PARP8: variants seen among roughly 807,000 people sequenced by gnomAD.
The protein encoded by PARP8 is protein mono-ADP-ribosyltransferase PARP8.
Under a neutral mutation model 124.1 loss-of-function variants are expected in PARP8, and 51 were observed. The observed-to-expected ratio is 0.41, with a 90% confidence interval of 0.33 to 0.52. The LOEUF (loss-of-function observed/expected upper bound fraction) is 0.52. Among genes scored for constraint, PARP8 ranks in the 20% least tolerant of loss-of-function variants. The pLI is 0.21. For missense variants in PARP8, 860 were observed against 1,018.9 expected (o/e 0.84, Z 2.12); for synonymous variants, 391 against 361.5 (o/e 1.08, Z -0.93).
intron 3 of PARP8, among the ~76,000 whole-genome samples, chr5:50,758,590 A>G (rs1311583589): frequency 1.3e-5 from 2 of 152,192 alleles, no homozygotes; most frequent in African/African-American, 4.8e-5. Flanking sequence ...GCGCCATAAG[A>G]ACAACTAATT....
chr5:50,830,437 A>G (rs1366652238), intron 22 of PARP8, among the ~76,000 whole-genome samples: 1 of 152,186 alleles, frequency 6.6e-6, no homozygotes, highest in Non-Finnish European at 1.5e-5. Flanking sequence ...AGATTGTGGG[A>G]AAAAATACTT....
At chr5:50,681,288 G>T (rs1418081572) in intron 2 of PARP8, among the ~76,000 whole-genome samples, 1 of 152,112 alleles carries the variant, frequency 6.6e-6, no homozygotes, top group Non-Finnish European at 1.5e-5. Context: ...AGTATCTGAA[G>T]ATTTTTTTGG....
Position 50,794,860 on chromosome 5 carries a change from A to T in PARP8, c.871A>T (p.Ser291Cys). The stretch of plus-strand genomic sequence containing the variant: ...TGTTGTTCAATTTTGAAGGTCGCCA[A>T]GTTATCCTCCCCCTGGTTGTGGCAA... ...HLFSTLRRSP[S>C]YPPPGCGKSK... is the part of the protein sequence containing the mutation. The change falls in exon 12 of 26, where the codon AGT (serine) becomes TGT (cysteine). Residue 291 changes from serine (S) to cysteine (C), a missense_variant. Ser to Cys is a moderately radical substitution (Grantham distance 112, BLOSUM62 -1). Transcript: ENST00000281631. 6.2e-7 allele frequency: 1 copy of T among 1,612,260 alleles called. No homozygotes were observed.
At chr5:50,819,208 T>C (rs1745461709) in intron 15 of PARP8, among the ~76,000 whole-genome samples, 1 of 152,152 alleles carries the variant, frequency 6.6e-6, no homozygotes, top group South Asian at 2.1e-4. Context: ...GGCTAGGACA[T>C]ATATTAACAG....
At chr5:50,810,920 A>G (rs1441242702) in intron 14 of PARP8, among the ~76,000 whole-genome samples, 1 of 152,080 alleles carries the variant, frequency 6.6e-6, no homozygotes, top group Non-Finnish European at 1.5e-5. Context: ...TGCTGTGTTA[A>G]AAAGGAAAGA....
intron 2 of PARP8, among the ~76,000 whole-genome samples, chr5:50,680,753 T>C (rs1381025557): frequency 1.3e-5 from 2 of 152,104 alleles, no homozygotes; most frequent in African/African-American, 4.8e-5. Flanking sequence ...CTGGAAGCCA[T>C]GTGGTAAGAA....
chr5:50,693,859 A>G (rs1460064045), intron 2 of PARP8, among the ~76,000 whole-genome samples: 9 of 151,520 alleles, frequency 5.9e-5, no homozygotes, highest in Non-Finnish European at 1.3e-4. Flanking sequence ...TATAATTATA[A>G]GCACCCAAAG....
chr5:50,704,139 A>T (rs992638630), intron 2 of PARP8, among the ~76,000 whole-genome samples: 3 of 152,124 alleles, frequency 2.0e-5, no homozygotes, highest in Admixed American at 1.3e-4. Context: ...AGAGGTTGCC[A>T]AATCTGCCTT....
chr5:50,832,105 C>T (rs905203707), intron 22 of PARP8, among the ~76,000 whole-genome samples: 1 of 152,076 alleles, frequency 6.6e-6, no homozygotes, highest in Non-Finnish European at 1.5e-5. Context: ...AGGCTTTTCC[C>T]CTTCTCATTA....
intron 9 of PARP8, among the ~76,000 whole-genome samples, chr5:50,780,597 T>G (rs766138459): frequency 6.6e-6 from 1 of 152,178 alleles, no homozygotes; most frequent in Non-Finnish European, 1.5e-5. Context: ...TAACTCATGG[T>G]TAGATTATTT....
intron 2 of PARP8, among the ~76,000 whole-genome samples, chr5:50,739,895 C>T (rs1757870488): frequency 6.6e-6 from 1 of 151,112 alleles, no homozygotes; most frequent in South Asian, 2.1e-4. Context: ...ATTACAGGCA[C>T]CCACCACCAC....
intron 3 of PARP8, among the ~76,000 whole-genome samples, chr5:50,751,718 A>G (rs1378517879): frequency 6.6e-6 from 1 of 152,172 alleles, no homozygotes; most frequent in Non-Finnish European, 1.5e-5. Flanking sequence ...GTAAGTATTA[A>G]ATAACATTTT....
chr5:50,776,923 A>G (rs1408274687), intron 7 of PARP8, among the ~76,000 whole-genome samples: 3 of 152,128 alleles, frequency 2.0e-5, no homozygotes, highest in Admixed American at 2.0e-4. Context: ...TGACTTCCCC[A>G]CTAACTTATT....
intron 2 of PARP8, among the ~76,000 whole-genome samples, chr5:50,736,399 A>G (rs1430965455): frequency 6.6e-6 from 1 of 152,162 alleles, no homozygotes; most frequent in Admixed American, 6.5e-5. Flanking sequence ...ACCAATGCCT[A>G]TTTGGAACAT....
chr5:50,732,627 CT>C (rs909163733), intron 2 of PARP8, among the ~76,000 whole-genome samples: 2 of 150,256 alleles, frequency 1.3e-5, no homozygotes, highest in Non-Finnish European at 3.0e-5. Context: ...TCTTTTTTTC[CT>C]TTTTTTTTGA....
At chr5:50,769,796 A>G (rs1022142070) in intron 7 of PARP8, among the ~76,000 whole-genome samples, 5 of 152,046 alleles carry the variant, frequency 3.3e-5, no homozygotes, top group Non-Finnish European at 7.4e-5. Flanking sequence ...AGAGACTGGA[A>G]TGAGATAAGC....
In PARP8 at chr5:50,696,068, G is replaced by T. The variant is rs190920080; in HGVS notation, c.146+27943G>T. Among the ~76,000 whole-genome samples the T allele has an allele frequency of 2.1e-3, 324 of 152,220 alleles. 2 individuals carry two copies. Among genetic ancestry groups the T allele is most frequent in the Middle Eastern group, 0.014 (4 of 294 alleles). ...TAATGCTTATAAAGGAGAGAGTAAA[G>T]ATTTTGCTTTTAATGAAGAAAAGAG... On this transcript the variant is annotated intron_variant, in intron 2 of 25. Coordinates refer to ENST00000281631, the MANE Select transcript of PARP8 (RefSeq NM_024615.4).
chr5:50,747,789 T>G (rs1357855592), intron 2 of PARP8, among the ~76,000 whole-genome samples: 1 of 135,130 alleles, frequency 7.4e-6, no homozygotes, highest in African/African-American at 2.9e-5. Flanking sequence ...TTTTTTTTTT[T>G]TGAGACGGAG....
intron 3 of PARP8, among the ~76,000 whole-genome samples, chr5:50,758,694 A>AT (rs112162189): frequency 2.6e-5 from 4 of 152,318 alleles, no homozygotes; most frequent in African/African-American, 9.6e-5. Context: ...TAGGACCATT[A>AT]TTAATGAATT....
Sources: gnomAD v4.1 joint callset for allele counts (sites outside exome capture counted in the v4.1 genomes callset) on GRCh38, gnomAD v4.1.1 for gene constraint, MANE v1.5 for transcripts, NCBI Gene and HGNC (gene_info 2026-07-23, HGNC 2026-07-21) for gene names.